The following SEC22A variants were observed in gnomAD, a reference collection of about 807,000 sequenced individuals.
The protein encoded by SEC22A is SEC22 homolog A, vesicle trafficking protein.
Under a neutral mutation model 35.3 loss-of-function variants are expected in SEC22A, and 22 were observed. The observed-to-expected ratio is 0.62, with a 90% CI of 0.45 to 0.89. The LOEUF (loss-of-function observed/expected upper bound fraction) is 0.89, where lower values mean the gene tolerates loss of function less well. SEC22A is among the 40% of genes least tolerant of loss of function. SEC22A has a pLI of 0.00. For synonymous variants in SEC22A, 119 were observed against 129.5 expected (o/e 0.92, Z 0.55); for missense variants, 354 against 362.5 (o/e 0.98, Z 0.19).
intron 6 of SEC22A, among the ~76,000 whole-genome samples, chr3:123,270,817 C>T (rs9855680): frequency 0.21 from 31,748 of 152,076 alleles, 3,437 homozygotes; most frequent in Middle Eastern, 0.28. Flanking sequence ...ATCATTCTTA[C>T]TCCCTATCCC....
intron 5 of SEC22A, among the ~76,000 whole-genome samples, chr3:123,251,414 C>T (rs2108085026): frequency 6.6e-6 from 1 of 152,266 alleles, no homozygotes. Context: ...ACATTTCTTA[C>T]TTACCTGATC....
At position 123,271,723 on chromosome 3, in the gene SEC22A, C is replaced by T. The variant is rs1355048090; in HGVS notation, c.*1C>T. On this transcript the variant is annotated 3_prime_UTR_variant, in exon 7 of 7. Transcript: ENST00000492595. ...CAAGGCTCCCGATTATGATGTCTGACACCATCCTTCAGATCTATTGCCTTG... is the reference window on the plus strand; with the variant it reads ...CAAGGCTCCCGATTATGATGTCTGATACCATCCTTCAGATCTATTGCCTTG... The T allele has an allele frequency of 2.5e-6, 4 of 1,612,916 alleles. No individual in the cohort carries two copies. Among genetic ancestry groups the T allele is most frequent in the Non-Finnish European group, 3.4e-6 (4 of 1,179,048 alleles).
chr3:123,255,647 A>G (rs1422360561), intron 5 of SEC22A, among the ~76,000 whole-genome samples: 2 of 152,132 alleles, frequency 1.3e-5, no homozygotes, highest in African/African-American at 4.8e-5. Context: ...TACTTATGCA[A>G]TTATTCTTTT....
intron 2 of SEC22A, among the ~76,000 whole-genome samples, chr3:123,217,364 A>AT (rs1937048056): frequency 2.7e-5 from 4 of 149,690 alleles, no homozygotes; most frequent in South Asian, 2.2e-4. Context: ...CACCCGGCTA[A>AT]TTTTTTTTGT....
chr3:123,211,862 G>A (rs1936943802), intron 2 of SEC22A, among the ~76,000 whole-genome samples: 2 of 151,882 alleles, frequency 1.3e-5, no homozygotes, highest in South Asian at 4.2e-4. Context: ...GAGCCCAGGA[G>A]TTTGAGATCA....
Position 123,255,173 on chromosome 3 carries a change from A to G in SEC22A, c.658-4351A>G, listed in dbSNP as rs138172938. On this transcript the variant is annotated intron_variant, in intron 5 of 6. Coordinates refer to ENST00000492595, the MANE Select transcript of SEC22A (RefSeq NM_012430.5). ...TCAAAAAATGAATTTTATTTCAGGAAACATAGACACAAGTCACTGTTAATA... is the reference window on the plus strand; with the variant it reads ...TCAAAAAATGAATTTTATTTCAGGAGACATAGACACAAGTCACTGTTAATA... Among the ~76,000 whole-genome samples the G allele has an allele frequency of 2.0e-5, 3 of 152,362 alleles. No homozygotes were observed. In the East Asian group the frequency reaches 5.8e-4, roughly 29 times the overall value.
chr3:123,216,932 T>TCCTCCTGCCTCAG (rs1214168823), intron 2 of SEC22A, among the ~76,000 whole-genome samples: 1 of 152,182 alleles, frequency 6.6e-6, no homozygotes, highest in Non-Finnish European at 1.5e-5. Flanking sequence ...GTTCACGTGA[T>TCCTCCTGCCTCAG]CCTCCTGCCT....
At chr3:123,233,729 A>T (rs1937362799) in intron 4 of SEC22A, among the ~76,000 whole-genome samples, 1 of 152,196 alleles carries the variant, frequency 6.6e-6, no homozygotes, top group African/African-American at 2.4e-5. Context: ...TGGAAAACCC[A>T]CAACTAACAT....
chr3:123,212,156 T>C (rs1450719332), intron 2 of SEC22A, among the ~76,000 whole-genome samples: 2 of 152,134 alleles, frequency 1.3e-5, no homozygotes, highest in African/African-American at 2.4e-5. Flanking sequence ...GTGGTTGATA[T>C]TGTGAGGGGA....
chr3:123,230,168 A>G (rs563378565), intron 4 of SEC22A, among the ~76,000 whole-genome samples: 250 of 152,182 alleles, frequency 1.6e-3, no homozygotes, highest in African/African-American at 5.5e-3. Flanking sequence ...TTTTTCTTCT[A>G]CTCTCTACTC....
chr3:123,259,457 T>C (rs1289015637), intron 5 of SEC22A, 67 bp from the exon 6 acceptor site: 1 of 1,102,196 alleles, frequency 9.1e-7, no homozygotes, highest in South Asian at 1.3e-5. Flanking sequence ...CATCCTATCT[T>C]GATGGATTGT....
Position 123,271,505 on chromosome 3 carries a change from T to G in SEC22A, c.724-17T>G. On this transcript the variant is annotated splice_polypyrimidine_tract_variant and intron_variant, in intron 6 of 6. Transcript: ENST00000492595. ...TCCTGTAACCCTAATCATCTTTCAT[T>G]TTTATATTTTGAACAGTGTTATTTA... 6.2e-7 allele frequency: 1 copy of G among 1,601,578 alleles called. No homozygotes were observed. The highest frequency in any genetic ancestry group is 8.5e-7 in the Non-Finnish European group (1 of 1,172,692).
At chr3:123,242,399 C>T (rs1389552746) in intron 4 of SEC22A, among the ~76,000 whole-genome samples, 1 of 152,148 alleles carries the variant, frequency 6.6e-6, no homozygotes, top group African/African-American at 2.4e-5. Context: ...AAAACCTCAA[C>T]ATTTCTTTGA....
At chr3:123,220,493 G>T (rs1937098827) in intron 2 of SEC22A, among the ~76,000 whole-genome samples, 1 of 152,030 alleles carries the variant, frequency 6.6e-6, no homozygotes, top group Non-Finnish European at 1.5e-5. Flanking sequence ...AATATGCTAT[G>T]GCTAAATTAA....
intron 4 of SEC22A, among the ~76,000 whole-genome samples, chr3:123,243,098 G>A (rs1225124641): frequency 2.6e-5 from 4 of 151,904 alleles, no homozygotes; most frequent in Admixed American, 1.3e-4. Flanking sequence ...CACAAACATC[G>A]CTTTGAGCCA....
intron 2 of SEC22A, among the ~76,000 whole-genome samples, chr3:123,218,640 A>G (rs1937072244): frequency 6.6e-6 from 1 of 152,128 alleles, no homozygotes; most frequent in South Asian, 2.1e-4. Flanking sequence ...AACCCTCAAT[A>G]AAGCCTTCTG....
intron 6 of SEC22A, among the ~76,000 whole-genome samples, chr3:123,264,996 G>T (rs191065734): frequency 6.6e-6 from 1 of 152,068 alleles, no homozygotes; most frequent in Admixed American, 6.5e-5. Flanking sequence ...TTTTCTTAAA[G>T]AGTTTTTTAT....
chr3:123,202,486 G>A (rs907961227), intron 1 of SEC22A, among the ~76,000 whole-genome samples: 1 of 152,122 alleles, frequency 6.6e-6, no homozygotes. Flanking sequence ...GATGGAGTGA[G>A]CCCTGAGCCC....
In SEC22A at chr3:123,206,348, G is replaced by T. The variant is rs142041877; in HGVS notation, c.-19-2851G>T. ...GCCTCAAGCAGTGTTGGGATTATGG[G>T]TATAAGCCATGGCACCCCATCCAAT... On this transcript the variant is annotated intron_variant, in intron 1 of 6. Coordinates refer to ENST00000492595, the MANE Select transcript of SEC22A (RefSeq NM_012430.5). Among the ~76,000 whole-genome samples, 1,126 of 152,188 alleles carry T rather than the reference G, an allele frequency of 7.4e-3. 13 individuals carry two copies. The highest frequency in any genetic ancestry group is 0.026 in the African/African-American group (1,069 of 41,506).
Sources: gnomAD v4.1 joint callset for allele counts (sites outside exome capture counted in the v4.1 genomes callset) on GRCh38, gnomAD v4.1.1 for gene constraint, MANE v1.5 for transcripts, NCBI Gene and HGNC (gene_info 2026-07-23, HGNC 2026-07-21) for gene names.